RPS6KC1: variants seen among roughly 807,000 people sequenced by gnomAD.
RPS6KC1 encodes the protein ribosomal protein S6 kinase C1, also known as inactive ribosomal protein S6 kinase delta-1.
Under a neutral mutation model 103.8 loss-of-function variants are expected in RPS6KC1, and 54 were observed. That is an observed-to-expected ratio of 0.52 (90% confidence interval 0.42 to 0.65). The LOEUF is 0.65. Among genes scored for constraint, RPS6KC1 ranks in the 30% least tolerant of loss-of-function variants. RPS6KC1 has a pLI of 0.00. For synonymous variants in RPS6KC1, 439 were observed against 438.7 expected (o/e 1.00, Z -0.01); for missense variants, 1,151 against 1,253.8 (o/e 0.92, Z 1.24).
At position 213,117,312 on chromosome 1, in the gene RPS6KC1, T is replaced by C. The variant is rs1572638609; in HGVS notation, c.379-5T>C. The C allele has an allele frequency of 6.4e-7, 1 of 1,568,854 alleles. No individual in the cohort carries two copies. Among genetic ancestry groups the C allele is most frequent in the Non-Finnish European group, 8.8e-7 (1 of 1,142,122 alleles). On this transcript the variant is annotated splice_region_variant and splice_polypyrimidine_tract_variant and intron_variant, in intron 4 of 14. Coordinates refer to ENST00000366960, the MANE Select transcript of RPS6KC1 (RefSeq NM_012424.6). ...AATGAAACACAATTGCTCTTATCTCTTTAGGGTGGAATAATTAATGATAGT... is the reference window on the plus strand; with the variant it reads ...AATGAAACACAATTGCTCTTATCTCCTTAGGGTGGAATAATTAATGATAGT...
chr1:213,455,782 G>C, the RPS6KC1 span, among the ~76,000 whole-genome samples: 9 of 152,160 alleles, frequency 5.9e-5, no homozygotes, highest in Non-Finnish European at 1.3e-4. Flanking sequence ...AAGCAATTCT[G>C]AATTTTTGTC....
the RPS6KC1 span, among the ~76,000 whole-genome samples, chr1:213,536,847 A>G: frequency 6.6e-6 from 1 of 152,204 alleles, no homozygotes; most frequent in African/African-American, 2.4e-5. Context: ...CCAGCGAAGG[A>G]GACATGGCGT....
chr1:213,520,167 T>TA, the RPS6KC1 span, among the ~76,000 whole-genome samples: 1 of 152,150 alleles, frequency 6.6e-6, no homozygotes, highest in Non-Finnish European at 1.5e-5. Flanking sequence ...ACGCTGCTGA[T>TA]AAAGACATGT....
chr1:213,267,462 A>G (rs1271891178), intron 14 of RPS6KC1, among the ~76,000 whole-genome samples: 1 of 152,038 alleles, frequency 6.6e-6, no homozygotes, highest in African/African-American at 2.4e-5. Context: ...GAGTTGCTAA[A>G]ATATACTATC....
chr1:213,217,899 A>G (rs188848172), intron 8 of RPS6KC1, among the ~76,000 whole-genome samples: 5,124 of 152,302 alleles, frequency 0.034, 117 homozygotes, highest in Middle Eastern at 0.055. Context: ...GTCTATGACA[A>G]ACCCACAGCC....
the RPS6KC1 span, among the ~76,000 whole-genome samples, chr1:213,650,081 G>A: frequency 6.6e-6 from 1 of 152,294 alleles, no homozygotes; most frequent in South Asian, 2.1e-4. Flanking sequence ...TGATTGCAGT[G>A]GATGCAGGAG....
intron 4 of RPS6KC1, among the ~76,000 whole-genome samples, chr1:213,113,140 T>C (rs907348678): frequency 8.5e-5 from 13 of 152,292 alleles, no homozygotes; most frequent in African/African-American, 2.9e-4. Context: ...ATTGCCACAC[T>C]GACTTCCACA....
chr1:213,087,595 C>T (rs961596602), intron 3 of RPS6KC1, among the ~76,000 whole-genome samples: 16 of 152,174 alleles, frequency 1.1e-4, no homozygotes, highest in African/African-American at 3.9e-4. Context: ...GTATAGGGGG[C>T]TTGTCTTCCT....
chr1:213,600,493 G>A, the RPS6KC1 span, among the ~76,000 whole-genome samples: 12 of 152,186 alleles, frequency 7.9e-5, no homozygotes, highest in African/African-American at 2.4e-4. Flanking sequence ...GGGAATCAGA[G>A]ATAGATGCAC....
chr1:213,571,643 G>A, the RPS6KC1 span, among the ~76,000 whole-genome samples: 1 of 152,316 alleles, frequency 6.6e-6, no homozygotes, highest in Non-Finnish European at 1.5e-5. Flanking sequence ...AATAAGTGAC[G>A]AAGTCAAATT....
At chr1:213,645,623 T>G in the RPS6KC1 span, among the ~76,000 whole-genome samples, 6 of 152,286 alleles carry the variant, frequency 3.9e-5, no homozygotes, top group East Asian at 1.2e-3. Context: ...ATAGTGATGA[T>G]GAAGTGTTAG....
At chr1:213,357,967 C>T in the RPS6KC1 span, among the ~76,000 whole-genome samples, 1 of 152,220 alleles carries the variant, frequency 6.6e-6, no homozygotes, top group Non-Finnish European at 1.5e-5. Flanking sequence ...ACCAGCCTTG[C>T]ATCCCAGGGA....
At chr1:213,599,968 T>A in the RPS6KC1 span, among the ~76,000 whole-genome samples, 1 of 152,156 alleles carries the variant, frequency 6.6e-6, no homozygotes, top group Non-Finnish European at 1.5e-5. Flanking sequence ...GAGGGACCTG[T>A]AATCCCCATG....
intron 8 of RPS6KC1, among the ~76,000 whole-genome samples, chr1:213,190,067 T>C (rs1056860665): frequency 2.6e-5 from 4 of 152,224 alleles, no homozygotes; most frequent in Non-Finnish European, 5.9e-5. Flanking sequence ...GATGGACACT[T>C]AGATTGCTTC....
At chr1:213,767,918 C>G in the RPS6KC1 span, among the ~76,000 whole-genome samples, 1 of 152,126 alleles carries the variant, frequency 6.6e-6, no homozygotes, top group South Asian at 2.1e-4. Context: ...CTACTGGTCA[C>G]GCCGCAAGCA....
the RPS6KC1 span, among the ~76,000 whole-genome samples, chr1:213,455,451 G>A: frequency 4.6e-5 from 7 of 152,230 alleles, no homozygotes; most frequent in African/African-American, 9.6e-5. Flanking sequence ...AACAAAAGGT[G>A]GCTAGATGTA....
the RPS6KC1 span, among the ~76,000 whole-genome samples, chr1:213,531,094 A>C: frequency 1.2e-4 from 18 of 152,176 alleles, no homozygotes; most frequent in Admixed American, 5.9e-4. Flanking sequence ...TGGAATTCAG[A>C]GCCAAGCCAT....
At chr1:213,310,347 C>T in the RPS6KC1 span, among the ~76,000 whole-genome samples, 1 of 152,196 alleles carries the variant, frequency 6.6e-6, no homozygotes, top group Non-Finnish European at 1.5e-5. Flanking sequence ...TGTGATGTCA[C>T]CCGTATCCCA....
chr1:213,843,403 G>T, the RPS6KC1 span: 1 of 152,238 alleles, frequency 6.6e-6, no homozygotes, highest in South Asian at 2.1e-4. Context: ...TTGGCATAGG[G>T]TAATACTGTT....
Sources: gnomAD v4.1 joint callset for allele counts (sites outside exome capture counted in the v4.1 genomes callset) on GRCh38, gnomAD v4.1.1 for gene constraint, MANE v1.5 for transcripts, NCBI Gene and HGNC (gene_info 2026-07-23, HGNC 2026-07-21) for gene names.